Variants in TUSC3 observed in about 807,000 individuals in gnomAD.
TUSC3 encodes dolichyl-diphosphooligosaccharide--protein glycosyltransferase subunit TUSC3.
Under a neutral mutation model 44.8 loss-of-function variants are expected in TUSC3, and 45 were observed. That is an observed-to-expected ratio of 1.00 (90% CI 0.79 to 1.29). TUSC3 has a LOEUF of 1.29. Among genes scored for constraint, TUSC3 ranks in the 50% most tolerant of loss-of-function variants. The pLI is 0.00. For missense variants in TUSC3, 519 were observed against 437.9 expected (o/e 1.19, Z -1.65); for synonymous variants, 212 against 152.9 (o/e 1.39, Z -2.85).
rs112289137 is a variant in TUSC3, at chr8:15,476,915, T to G, written n.92-6471T>G. Among the ~76,000 whole-genome samples, 14 of 152,314 alleles carry G rather than the reference T, an allele frequency of 9.2e-5. No individual in the cohort carries two copies. The East Asian group carries it at 2.7e-3, about 29-fold the overall frequency. On this transcript the variant is annotated intron_variant and non_coding_transcript_variant, in intron 1 of 5. Transcript: ENST00000503191. Reference sequence around the variant, plus strand: ...AAAGGTTACACCCTATGCAAACATCTGATTTGTTGTGGAAGGCAGCCAATC... The same window carrying G: ...AAAGGTTACACCCTATGCAAACATCGGATTTGTTGTGGAAGGCAGCCAATC...
intron 2 of TUSC3, among the ~76,000 whole-genome samples, chr8:15,517,602 G>A (rs994355003): frequency 3.5e-5 from 5 of 141,862 alleles, no homozygotes; most frequent in African/African-American, 1.3e-4. Context: ...TTGGATGAGT[G>A]TACTTCCTGG....
intron 1 of TUSC3, among the ~76,000 whole-genome samples, chr8:15,439,293 C>T (rs1025760851): frequency 3.3e-5 from 5 of 152,166 alleles, no homozygotes; most frequent in African/African-American, 7.2e-5. Context: ...ATGCCAGGCA[C>T]AGTGGCTCAT....
intron 2 of TUSC3, among the ~76,000 whole-genome samples, chr8:15,501,342 T>C (rs1318966621): frequency 6.6e-6 from 1 of 152,150 alleles, no homozygotes; most frequent in African/African-American, 2.4e-5. Context: ...AAAGTTTGGA[T>C]CAATTGTCCT....
intron 8 of TUSC3, among the ~76,000 whole-genome samples, chr8:15,748,001 C>T (rs1422952570): frequency 1.3e-5 from 2 of 152,072 alleles, no homozygotes; most frequent in African/African-American, 2.4e-5. Context: ...TGCTTCATAA[C>T]GCAAGAGGCA....
At chr8:15,484,472 C>T (rs966985801) in intron 2 of TUSC3, among the ~76,000 whole-genome samples, 1 of 152,190 alleles carries the variant, frequency 6.6e-6, no homozygotes, top group Non-Finnish European at 1.5e-5. Flanking sequence ...CAGTGTAGGA[C>T]ATAGAGCAAG....
chr8:15,463,397 A>G lies in TUSC3; in HGVS notation n.92-19989A>G, dbSNP rs182681445. The stretch of plus-strand genomic sequence containing the variant: ...GAATAGTCTCAACATAAACATGGGA[A>G]AATTATTATGTTGTGGTCAAAATTA... On this transcript the variant is annotated intron_variant and non_coding_transcript_variant, in intron 1 of 5. Transcript: ENST00000503191. Among the ~76,000 whole-genome samples, 26 of 152,256 alleles carry G rather than the reference A, an allele frequency of 1.7e-4. 1 individual carries two copies. Among genetic ancestry groups the G allele is most frequent in the East Asian group, 5.8e-4 (3 of 5,192 alleles).
chr8:15,688,464 G>T (rs1808737894), intron 6 of TUSC3, among the ~76,000 whole-genome samples: 1 of 143,718 alleles, frequency 7.0e-6, no homozygotes. Context: ...TAGGTTCAAG[G>T]GTACTTGTGC....
the TUSC3 span, among the ~76,000 whole-genome samples, chr8:15,829,219 A>G: frequency 3.3e-5 from 5 of 152,260 alleles, no homozygotes; most frequent in South Asian, 2.1e-4. Flanking sequence ...ATCATTTGCT[A>G]TTAGAAAAAA....
intron 1 of TUSC3, among the ~76,000 whole-genome samples, chr8:15,576,386 T>A (rs1803116100): frequency 6.7e-6 from 1 of 149,930 alleles, no homozygotes; most frequent in Non-Finnish European, 1.5e-5. Context: ...TGTATACATG[T>A]GCCATGCTGG....
chr8:15,651,957 T>A (rs1443385675), intron 3 of TUSC3, among the ~76,000 whole-genome samples: 2 of 152,194 alleles, frequency 1.3e-5, no homozygotes, highest in African/African-American at 4.8e-5. Flanking sequence ...TGTTACTGGC[T>A]CCATTTCATA....
chr8:15,679,709 G>A (rs1808334605), intron 6 of TUSC3, among the ~76,000 whole-genome samples: 1 of 152,062 alleles, frequency 6.6e-6, no homozygotes, highest in African/African-American at 2.4e-5. Flanking sequence ...TTTTCATCTA[G>A]GGTTTTTATA....
chr8:15,757,846 A>T lies in TUSC3; in HGVS notation c.*37A>T, dbSNP rs766749722. ...TTGGACCATGGCACTTAAAAACTCT[A>T]TAACCTCAGGCAAGTCTTTTAATCT... On this transcript the variant is annotated 3_prime_UTR_variant, in exon 10 of 11. Transcript: ENST00000503731. 2 of 1,382,686 alleles carry T rather than the reference A, an allele frequency of 1.4e-6. No individual in the cohort carries two copies. Among genetic ancestry groups the T allele is most frequent in the East Asian group, 2.3e-5 (1 of 43,766 alleles). 85.7% of individuals were successfully genotyped at this position (1,382,686 alleles called of 1,614,324 possible).
At chr8:15,830,553 A>G in the TUSC3 span, among the ~76,000 whole-genome samples, 6 of 152,206 alleles carry the variant, frequency 3.9e-5, no homozygotes, top group African/African-American at 7.2e-5. Flanking sequence ...TGTGATGTGT[A>G]TATACCATGG....
At chr8:15,459,372 T>C (rs532372774) in intron 1 of TUSC3, among the ~76,000 whole-genome samples, 88 of 152,262 alleles carry the variant, frequency 5.8e-4, no homozygotes, top group African/African-American at 2.0e-3. Flanking sequence ...TTGAAGAAAC[T>C]CTTCTTTTTT....
At chr8:15,757,163 G>A (rs914428069) in intron 9 of TUSC3, among the ~76,000 whole-genome samples, 3 of 152,082 alleles carry the variant, frequency 2.0e-5, no homozygotes, top group Non-Finnish European at 4.4e-5. Context: ...TAAAAAAGAG[G>A]TATCGCAGTT....
intron 1 of TUSC3, among the ~76,000 whole-genome samples, chr8:15,579,017 A>AT (rs2129146002): frequency 6.6e-6 from 1 of 151,996 alleles, no homozygotes; most frequent in South Asian, 2.1e-4. Context: ...CTATTCAGAG[A>AT]TTCAACTTCT....
At chr8:15,747,366 G>C (rs1313009526) in intron 8 of TUSC3, among the ~76,000 whole-genome samples, 1 of 151,744 alleles carries the variant, frequency 6.6e-6, no homozygotes, top group Non-Finnish European at 1.5e-5. Flanking sequence ...AAGGTGTATT[G>C]TGCAAATTAT....
At chr8:15,811,656 C>T in the TUSC3 span, among the ~76,000 whole-genome samples, 1 of 152,092 alleles carries the variant, frequency 6.6e-6, no homozygotes, top group Non-Finnish European at 1.5e-5. Flanking sequence ...CAAAATTGAC[C>T]TATGAATTCA....
At position 15,667,811 on chromosome 8, in the gene TUSC3, G is replaced by A. The variant is rs185144948; in HGVS notation, c.708+5515G>A. On this transcript the variant is annotated intron_variant, in intron 5 of 10. Coordinates refer to ENST00000503731, the MANE Select transcript of TUSC3 (RefSeq NM_006765.4). ...TGAAATGTTTTCCCCAAACCAAATC[G>A]CTTATGAAAGTTCGTTGTATAGAAT... is the stretch of plus-strand genomic sequence containing the variant. Among the ~76,000 whole-genome samples the A allele has an allele frequency of 7.2e-5, 11 of 151,726 alleles. No homozygotes were observed. In the Admixed American group the frequency reaches 7.3e-4, roughly 10 times the overall value.
Sources: gnomAD v4.1 joint callset for allele counts (sites outside exome capture counted in the v4.1 genomes callset) on GRCh38, gnomAD v4.1.1 for gene constraint, MANE v1.5 for transcripts, NCBI Gene and HGNC (gene_info 2026-07-23, HGNC 2026-07-21) for gene names.